The following TRPM7 variants were observed in gnomAD, a reference collection of about 807,000 sequenced individuals.
TRPM7 encodes transient receptor potential cation channel subfamily M member 7.
In TRPM7, 134 loss-of-function variants were observed where a neutral mutation model predicts 229.7. The observed-to-expected ratio is 0.58, with a 90% CI of 0.51 to 0.67. TRPM7 has a LOEUF of 0.67. TRPM7 is among the 30% of genes least tolerant of loss of function. TRPM7 has a pLI of 0.00. For missense variants in TRPM7, 1,901 were observed against 2,210.0 expected (o/e 0.86, Z 2.80); for synonymous variants, 699 against 715.2 (o/e 0.98, Z 0.36).
chr15:50,572,894 T>A (rs1463171476), intron 36 of TRPM7, among the ~76,000 whole-genome samples: 1 of 152,208 alleles, frequency 6.6e-6, no homozygotes, highest in African/African-American at 2.4e-5. Flanking sequence ...AAATCTGGTC[T>A]GTGTTTACAT....
chr15:50,591,313 C>T (rs2059486567), intron 26 of TRPM7, among the ~76,000 whole-genome samples: 1 of 152,108 alleles, frequency 6.6e-6, no homozygotes, highest in African/African-American at 2.4e-5. Context: ...TTGATTCTAA[C>T]CTCCCCTATG....
intron 4 of TRPM7, among the ~76,000 whole-genome samples, chr15:50,646,462 T>G (rs1022006611): frequency 2.0e-5 from 3 of 152,048 alleles, no homozygotes; most frequent in Non-Finnish European, 2.9e-5. Context: ...TTTTTGAATT[T>G]TAGTACAGAC....
chr15:50,674,300 T>G (rs140668002), intron 1 of TRPM7, among the ~76,000 whole-genome samples: 2,198 of 152,226 alleles, frequency 0.014, 60 homozygotes, highest in African/African-American at 0.051. Context: ...CCCAGCTAAT[T>G]TTTGTATTTT....
At position 50,648,824 on chromosome 15, in the gene TRPM7, A is replaced by AAAT. The variant is rs1567079792; in HGVS notation, c.183_184insATT (p.Lys61_Tyr62insIle). On this transcript the variant is annotated inframe_insertion, in exon 4 of 39. Coordinates refer to ENST00000646667, the MANE Select transcript of TRPM7 (RefSeq NM_017672.6). ...TGGTCACCCAATTTCACATCTGAGT[A>AAAT]TTTCATGGCAAGACTTGCAGTAAAA... The AAAT allele has an allele frequency of 1.2e-6, 2 of 1,613,188 alleles. No homozygotes were observed. The highest frequency in any genetic ancestry group is 3.3e-5 in the Admixed American group (2 of 59,920).
intron 30 of TRPM7, among the ~76,000 whole-genome samples, 187 bp from the exon 31 acceptor site, chr15:50,578,851 T>G (rs1437019420): frequency 1.3e-5 from 2 of 149,498 alleles, no homozygotes. Context: ...TATATATATC[T>G]ATATATATAT....
At chr15:50,579,225 G>A (rs955805104) in intron 30 of TRPM7, among the ~76,000 whole-genome samples, 7 of 152,136 alleles carry the variant, frequency 4.6e-5, no homozygotes, top group Admixed American at 1.3e-4. Flanking sequence ...TAGACACACA[G>A]GTAGAGTGGA....
chr15:50,607,654 C>A (rs1443703354), intron 19 of TRPM7, among the ~76,000 whole-genome samples: 1 of 152,036 alleles, frequency 6.6e-6, no homozygotes, highest in Non-Finnish European at 1.5e-5. Context: ...CCTACAGTAT[C>A]ATAATATATT....
chr15:50,670,053 G>C (rs1021972902), intron 1 of TRPM7, among the ~76,000 whole-genome samples: 1 of 152,142 alleles, frequency 6.6e-6, no homozygotes, highest in African/African-American at 2.4e-5. Context: ...TGTTTTGTCA[G>C]AACTCTGAGT....
At chr15:50,629,142 T>C (rs1262290191) in intron 10 of TRPM7, among the ~76,000 whole-genome samples, 1 of 151,964 alleles carries the variant, frequency 6.6e-6, no homozygotes, top group Non-Finnish European at 1.5e-5. Context: ...AGAAGTCAAA[T>C]TGCTAGGTAC....
chr15:50,621,180 A>C (rs918210937), intron 12 of TRPM7, among the ~76,000 whole-genome samples: 5 of 151,272 alleles, frequency 3.3e-5, no homozygotes, highest in Admixed American at 3.3e-4. Flanking sequence ...AAAAAAAAAA[A>C]AACCTATTTA....
chr15:50,574,231 C>G (rs2054031353), intron 36 of TRPM7, 43 bp downstream of exon 36: 1 of 1,436,504 alleles, frequency 7.0e-7, no homozygotes, highest in African/African-American at 1.4e-5. Context: ...TAGGTGAGAA[C>G]CTACTGCAGA....
Position 50,599,300 on chromosome 15 carries a change from T to A in TRPM7, c.2989-4A>T. The A allele has an allele frequency of 6.3e-7, 1 of 1,590,472 alleles. No homozygotes were observed. The highest frequency in any genetic ancestry group is 8.6e-7 in the Non-Finnish European group (1 of 1,168,832). ...CAATGTAGAACATATTGGCCACCTGTTAAAAAATGAACACTGTTAAAATAC... is the reference window on the plus strand; with the variant it reads ...CAATGTAGAACATATTGGCCACCTGATAAAAAATGAACACTGTTAAAATAC... On this transcript the variant is annotated splice_polypyrimidine_tract_variant and splice_region_variant and intron_variant, in intron 21 of 38. Coordinates refer to ENST00000646667, the MANE Select transcript of TRPM7 (RefSeq NM_017672.6).
intron 1 of TRPM7, among the ~76,000 whole-genome samples, chr15:50,676,811 C>T (rs908448649): frequency 9.9e-5 from 15 of 152,060 alleles, no homozygotes; most frequent in African/African-American, 3.6e-4. Flanking sequence ...AAAACAGCAG[C>T]TGGAAAGTGA....
Position 50,614,099 on chromosome 15 carries a change from G to A in TRPM7, c.1635+24C>T, listed in dbSNP as rs199550662. ...GTGTTAATATTAAAGCATATATATAGATTTCCCCACAAATTTTACATACCC... is the reference window on the plus strand; with the variant it reads ...GTGTTAATATTAAAGCATATATATAAATTTCCCCACAAATTTTACATACCC... On this transcript the variant is annotated intron_variant, in intron 14 of 38. Coordinates refer to ENST00000646667, the MANE Select transcript of TRPM7 (RefSeq NM_017672.6). 13 of 1,572,470 alleles carry A rather than the reference G, an allele frequency of 8.3e-6. No homozygotes were observed. In the South Asian group the frequency reaches 1.4e-4, roughly 17 times the overall value.
chr15:50,573,918 G>A (rs1399991550), intron 36 of TRPM7, among the ~76,000 whole-genome samples: 1 of 152,028 alleles, frequency 6.6e-6, no homozygotes, highest in Non-Finnish European at 1.5e-5. Flanking sequence ...TTAGCTGGGC[G>A]TGGTGGCAGG....
Position 50,592,641 on chromosome 15 carries a change from T to C in TRPM7, c.3609-15A>G, listed in dbSNP as rs747045457. Reference sequence around the variant, plus strand: ...TCTGTTCCACTCTGTAGGAGAGAAATAAGCTTTTTTTACAAATGTGAAAAA... The same window carrying C: ...TCTGTTCCACTCTGTAGGAGAGAAACAAGCTTTTTTTACAAATGTGAAAAA... On this transcript the variant is annotated splice_polypyrimidine_tract_variant and intron_variant, in intron 25 of 38. Coordinates refer to ENST00000646667, the MANE Select transcript of TRPM7 (RefSeq NM_017672.6). The C allele has an allele frequency of 1.4e-6, 2 of 1,478,970 alleles. No individual in the cohort carries two copies. Among genetic ancestry groups the C allele is most frequent in the Non-Finnish European group, 1.8e-6 (2 of 1,107,456 alleles). The allele number at this position is 1,478,970 out of a possible 1,614,324, so 91.6% of individuals were successfully genotyped here. A position where few individuals can be genotyped will look rare whatever the true frequency, so the allele number is the denominator to read the frequency against.
rs16963774 is a variant in TRPM7, at chr15:50,574,945, C to T, written c.4926G>A (p.Gly1642=). 0.047 allele frequency: 76,304 copies of T among 1,613,802 alleles called. 2,847 individuals are homozygous for T. The highest frequency in any genetic ancestry group is 0.19 in the African/African-American group (13,996 of 74,942). ...TWSEHDILKS[G]HLYIIKSFLP... is the part of the protein sequence containing the mutation. ...GAAAAGATTTGATAATATAAAGATG[C>T]CCTGATTTGAGGATATCATGTTCTG... is the stretch of plus-strand genomic sequence containing the variant. The change falls in exon 34 of 39, where the codon GGG becomes GGA. Residue 1642 remains glycine (G), a synonymous_variant. Coordinates refer to ENST00000646667, the MANE Select transcript of TRPM7 (RefSeq NM_017672.6).
At chr15:50,569,332 T>C (rs1389499377) in intron 38 of TRPM7, among the ~76,000 whole-genome samples, 1 of 152,196 alleles carries the variant, frequency 6.6e-6, no homozygotes, top group African/African-American at 2.4e-5. Context: ...GTTAATATCA[T>C]GAGACAATAT....
At chr15:50,684,455 A>C (rs905349557) in intron 1 of TRPM7, among the ~76,000 whole-genome samples, 13 of 152,088 alleles carry the variant, frequency 8.5e-5, no homozygotes, top group African/African-American at 3.1e-4. Context: ...ACCCTGGCCA[A>C]TATGACGAAA....
Sources: gnomAD v4.1 joint callset for allele counts (sites outside exome capture counted in the v4.1 genomes callset) on GRCh38, gnomAD v4.1.1 for gene constraint, MANE v1.5 for transcripts, NCBI Gene and HGNC (gene_info 2026-07-23, HGNC 2026-07-21) for gene names.